Variants in ESRRG observed in about 807,000 individuals in gnomAD.
ESRRG encodes estrogen related receptor gamma, also known as estrogen-related receptor gamma.
A neutral mutation model predicts 44.0 loss-of-function variants in ESRRG; 13 were observed. The ratio of observed to expected loss-of-function variants is 0.30; its 90% CI spans 0.19 to 0.47. The LOEUF (loss-of-function observed/expected upper bound fraction) is 0.47, where lower values mean the gene tolerates loss of function less well. Among genes scored for constraint, ESRRG ranks in the 20% least tolerant of loss-of-function variants. The pLI is 1.00. For missense variants in ESRRG, 395 were observed against 580.6 expected (o/e 0.68, Z 3.29); for synonymous variants, 215 against 214.6 (o/e 1.00, Z -0.02).
intron 1 of ESRRG, among the ~76,000 whole-genome samples, chr1:217,062,568 C>T (rs1238709777): frequency 6.6e-6 from 1 of 152,114 alleles, no homozygotes; most frequent in Non-Finnish European, 1.5e-5. Flanking sequence ...AAAAATACTC[C>T]TTGTGAGGAG....
intron 2 of ESRRG, among the ~76,000 whole-genome samples, chr1:216,873,515 G>A (rs2149240618): frequency 6.6e-6 from 1 of 152,096 alleles, no homozygotes; most frequent in South Asian, 2.1e-4. Flanking sequence ...GGCCCGGCCA[G>A]GAGTTCATAA....
At chr1:216,726,130 T>C (rs2087468562), upstream of ESRRG, among the ~76,000 whole-genome samples, 1 of 152,198 alleles carries the variant, frequency 6.6e-6, no homozygotes, top group Non-Finnish European at 1.5e-5. Context: ...CATAGTGTCA[T>C]CCCCACTGAT....
chr1:217,125,894 G>A (rs1455763620), intron 1 of ESRRG, among the ~76,000 whole-genome samples: 1 of 152,148 alleles, frequency 6.6e-6, no homozygotes, highest in Non-Finnish European at 1.5e-5. Context: ...GCTTGAATTT[G>A]CTGTGTATGA....
intron 1 of ESRRG, chr1:216,939,714 A>G (rs1316818850): frequency 1.6e-5 from 1 of 60,874 alleles, no homozygotes; most frequent in Non-Finnish European, 3.6e-5. Context: ...CAACCCAAAA[A>G]AGGAAAAAAA....
chr1:216,741,600 A>G (rs1334329102), intron 2 of ESRRG, among the ~76,000 whole-genome samples: 1 of 152,114 alleles, frequency 6.6e-6, no homozygotes. Flanking sequence ...TTAAACTGTA[A>G]GCTACTTGAA....
intron 1 of ESRRG, among the ~76,000 whole-genome samples, chr1:217,082,916 G>A (rs926034766): frequency 2.6e-5 from 4 of 152,178 alleles, no homozygotes; most frequent in Admixed American, 1.3e-4. Flanking sequence ...AAAGAGTCCC[G>A]AAAGTTTCTA....
intron 3 of ESRRG, among the ~76,000 whole-genome samples, chr1:216,623,192 C>A (rs896800714): frequency 6.1e-5 from 9 of 146,650 alleles, no homozygotes; most frequent in African/African-American, 2.3e-4. Context: ...ACGCCATTCT[C>A]CTGCCTCAGC....
chr1:216,548,527 A>C (rs1028462690), intron 5 of ESRRG, among the ~76,000 whole-genome samples: 3 of 152,134 alleles, frequency 2.0e-5, no homozygotes, highest in Non-Finnish European at 2.9e-5. Flanking sequence ...AAAAGAACAA[A>C]GCTAGTAATT....
intron 2 of ESRRG, among the ~76,000 whole-genome samples, chr1:216,840,900 A>G (rs567801629): frequency 6.6e-6 from 1 of 152,324 alleles, no homozygotes; most frequent in Non-Finnish European, 1.5e-5. Context: ...ATAGATCACC[A>G]TACAAGATAT....
exon 2 of ESRRG, chr1:216,939,612 T>G (rs1015353270): frequency 6.6e-6 from 1 of 151,954 alleles, no homozygotes; most frequent in Non-Finnish European, 1.5e-5. Context: ...TAGCGTAGGA[T>G]TTTTTCCTTA....
In ESRRG at chr1:216,694,128, G is replaced by GC. The variant is rs1297304278; in HGVS notation, c.57-16638_57-16637insG. ...TCACCAGCACTGTCATTTGCTAAAGGTAAACTCTGACATGGTATCTACAAG... is the reference window on the plus strand; with the variant it reads ...TCACCAGCACTGTCATTTGCTAAAGGCTAAACTCTGACATGGTATCTACAAG... On this transcript the variant is annotated intron_variant, in intron 1 of 6. Transcript: ENST00000408911. 1.8e-3 allele frequency among the ~76,000 whole-genome samples: 272 copies of GC among 152,282 alleles called. 2 individuals are homozygous for GC. Among genetic ancestry groups the GC allele is most frequent in the African/African-American group, 6.2e-3 (256 of 41,554 alleles).
chr1:216,673,119 G>C (rs137970276), intron 2 of ESRRG, among the ~76,000 whole-genome samples: 1 of 152,192 alleles, frequency 6.6e-6, no homozygotes, highest in Non-Finnish European at 1.5e-5. Context: ...ACTACGATCT[G>C]TTAAGGGTGG....
At chr1:216,810,724 G>GA (rs1559726100) in intron 2 of ESRRG, among the ~76,000 whole-genome samples, 1 of 143,600 alleles carries the variant, frequency 7.0e-6, no homozygotes, top group Non-Finnish European at 1.5e-5. Context: ...GTGTGTGTAT[G>GA]ATATACACAT....
intron 3 of ESRRG, among the ~76,000 whole-genome samples, chr1:216,621,041 T>C (rs1433306972): frequency 6.6e-6 from 1 of 152,164 alleles, no homozygotes; most frequent in African/African-American, 2.4e-5. Context: ...ATTTTGCTTT[T>C]ACAACATCCA....
chr1:217,135,403 A>C (rs1259470265), intron 1 of ESRRG, among the ~76,000 whole-genome samples: 2 of 152,182 alleles, frequency 1.3e-5, no homozygotes, highest in Non-Finnish European at 2.9e-5. Context: ...GGAGGGTAAG[A>C]GATACAGCGA....
chr1:216,567,934 G>A (rs1558540314), intron 4 of ESRRG, 54 bp downstream of exon 4: 6 of 1,187,120 alleles, frequency 5.1e-6, no homozygotes, highest in Non-Finnish European at 7.6e-6. Context: ...TGTACATAGA[G>A]CCAACTGGGA....
intron 5 of ESRRG, among the ~76,000 whole-genome samples, chr1:216,533,576 T>C (rs2050046112): frequency 6.6e-6 from 1 of 152,116 alleles, no homozygotes; most frequent in Non-Finnish European, 1.5e-5. Flanking sequence ...AAAAGGGAAG[T>C]TGGGGAGTTC....
rs2041240149 is a variant in ESRRG at position 216,506,515 on chromosome 1, GA to G, written c.*423del. 2 of 375,626 alleles carry G rather than the reference GA, an allele frequency of 5.3e-6. No individual in the cohort carries two copies. Among genetic ancestry groups the G allele is most frequent in the Admixed American group, 6.9e-5 (2 of 28,832 alleles). 23.3% of individuals were successfully genotyped at this position (375,626 alleles called of 1,614,324 possible). On this transcript the variant is annotated 3_prime_UTR_variant, in exon 7 of 7. Coordinates refer to ENST00000408911, the MANE Select transcript of ESRRG (RefSeq NM_001438.4). Reference sequence around the variant, plus strand: ...AAGGGAAAGGAAAGGGGGAAGGGAGGATTTTTTTTTAAACTAAAGCTATTTC... The same window carrying G: ...AAGGGAAAGGAAAGGGGGAAGGGAGGTTTTTTTTTAAACTAAAGCTATTTC...
intron 5 of ESRRG, among the ~76,000 whole-genome samples, chr1:216,522,113 A>G (rs1382020154): frequency 6.6e-6 from 1 of 151,982 alleles, no homozygotes; most frequent in Non-Finnish European, 1.5e-5. Context: ...TTGATCCTGC[A>G]ATTTGTTTCT....
Sources: allele counts gnomAD v4.1 joint callset (sites outside exome capture counted in the v4.1 genomes callset), GRCh38; gene constraint gnomAD v4.1.1; transcripts MANE v1.5; gene names NCBI Gene and HGNC (gene_info 2026-07-23, HGNC 2026-07-21).